PLCE1: variants seen among roughly 807,000 people sequenced by gnomAD.
PLCE1 encodes 1-phosphatidylinositol 4,5-bisphosphate phosphodiesterase epsilon-1.
PLCE1 carries 119 observed loss-of-function variants against 242.8 expected under a neutral mutation model. The ratio of observed to expected loss-of-function variants is 0.49; its 90% confidence interval spans 0.42 to 0.57. The LOEUF (loss-of-function observed/expected upper bound fraction) is 0.57, where lower values mean the gene tolerates loss of function less well. Ranked by LOEUF, PLCE1 falls within the 20% of genes least tolerant of loss-of-function variation. The pLI, the probability that PLCE1 is intolerant of heterozygous loss-of-function variation, is 0.00. For missense variants in PLCE1, 2,441 were observed against 2,788.8 expected (o/e 0.88, Z 2.81); for synonymous variants, 945 against 1,017.4 (o/e 0.93, Z 1.35).
At chr10:94,302,929 C>T (rs905050901) in intron 24 of PLCE1, among the ~76,000 whole-genome samples, 2 of 152,152 alleles carry the variant, frequency 1.3e-5, no homozygotes, top group Admixed American at 6.5e-5. Flanking sequence ...TCTTTGCTAC[C>T]CTCACCATGT....
intron 2 of PLCE1, among the ~76,000 whole-genome samples, chr10:94,069,920 TTATTGGAAA>T (rs2044304509): frequency 6.6e-6 from 1 of 152,156 alleles, no homozygotes; most frequent in Non-Finnish European, 1.5e-5. Flanking sequence ...TCCAGTTCCG[TTATTGGAAA>T]TAAAGTACCA....
At chr10:94,318,051 G>C (rs980055525) in intron 29 of PLCE1, among the ~76,000 whole-genome samples, 1 of 152,262 alleles carries the variant, frequency 6.6e-6, no homozygotes, top group African/African-American at 2.4e-5. Flanking sequence ...CACAGTGAGT[G>C]AATGTGACCT....
At chr10:94,060,325 T>C (rs2134949147) in intron 2 of PLCE1, among the ~76,000 whole-genome samples, 1 of 152,310 alleles carries the variant, frequency 6.6e-6, no homozygotes, top group East Asian at 1.9e-4. Flanking sequence ...AAGTATTCAA[T>C]ACATTAGGAA....
At chr10:94,212,205 G>T (rs1315605873) in intron 4 of PLCE1, among the ~76,000 whole-genome samples, 1 of 152,122 alleles carries the variant, frequency 6.6e-6, no homozygotes, top group Non-Finnish European at 1.5e-5. Flanking sequence ...TCCTGCCTCA[G>T]CCTCCCAAGT....
At chr10:94,056,154 T>A (rs983148245) in intron 2 of PLCE1, among the ~76,000 whole-genome samples, 3 of 152,232 alleles carry the variant, frequency 2.0e-5, no homozygotes, top group African/African-American at 7.2e-5. Context: ...GCTAGAGATT[T>A]ATTATTTTGG....
intron 2 of PLCE1, among the ~76,000 whole-genome samples, chr10:94,061,004 T>C (rs2134960886): frequency 6.6e-6 from 1 of 152,192 alleles, no homozygotes; most frequent in African/African-American, 2.4e-5. Flanking sequence ...CAGCCTGCCC[T>C]TATTTAACTT....
At chr10:94,121,294 T>C (rs2046290237) in intron 2 of PLCE1, among the ~76,000 whole-genome samples, 2 of 152,082 alleles carry the variant, frequency 1.3e-5, no homozygotes, top group Non-Finnish European at 2.9e-5. Flanking sequence ...AGGGCAGAGG[T>C]TGGCCAGCCA....
chr10:94,253,358 T>C (rs903274950), intron 9 of PLCE1, among the ~76,000 whole-genome samples: 1 of 151,580 alleles, frequency 6.6e-6, no homozygotes, highest in Non-Finnish European at 1.5e-5. Flanking sequence ...GCCACACACT[T>C]TTTTTTTCTC....
chr10:94,246,850 G>A (rs1235696134), intron 8 of PLCE1, among the ~76,000 whole-genome samples: 2 of 152,134 alleles, frequency 1.3e-5, no homozygotes, highest in East Asian at 1.9e-4. Flanking sequence ...TGTGGCTCAC[G>A]CCTGTAATCC....
chr10:94,232,629 A>C (rs966359808), intron 5 of PLCE1, among the ~76,000 whole-genome samples: 2 of 152,130 alleles, frequency 1.3e-5, no homozygotes, highest in African/African-American at 4.8e-5. Context: ...AGCAAAATGC[A>C]GTGTACCCTC....
At chr10:94,093,943 T>TTA (rs2045191036) in intron 2 of PLCE1, among the ~76,000 whole-genome samples, 2 of 131,356 alleles carry the variant, frequency 1.5e-5, no homozygotes, top group African/African-American at 6.3e-5. Flanking sequence ...TCTTTTTTTT[T>TTA]TTTTTTTTTT....
rs989488719 is a variant in PLCE1 at position 94,141,682 on chromosome 10, A to G, written c.1492+9223A>G. Among the ~76,000 whole-genome samples, 9 of 81,568 alleles carry G rather than the reference A, an allele frequency of 1.1e-4. 2 individuals are homozygous for G. Among genetic ancestry groups the G allele is most frequent in the African/African-American group, 3.6e-4 (9 of 25,282 alleles). 53.5% of individuals were successfully genotyped at this position (81,568 alleles called of 152,430 possible). A position where few individuals can be genotyped will look rare whatever the true frequency, so the allele number is the denominator to read the frequency against. On this transcript the variant is annotated intron_variant, in intron 3 of 32. Transcript: ENST00000371380. ...AAAGGGAGGGAGGGAGGAAAGAAAG[A>G]AGGAAGGGAGGGAGAGAAGGAAGGG...
intron 2 of PLCE1, among the ~76,000 whole-genome samples, chr10:94,087,637 CT>C (rs1485432829): frequency 6.6e-6 from 1 of 151,988 alleles, no homozygotes; most frequent in African/African-American, 2.4e-5. Flanking sequence ...GGGGAGGGGT[CT>C]TACCATGTTG....
chr10:94,019,283 A>G (rs1166974887), intron 1 of PLCE1, among the ~76,000 whole-genome samples: 1 of 152,212 alleles, frequency 6.6e-6, no homozygotes, highest in African/African-American at 2.4e-5. Flanking sequence ...TGCTGCTCAG[A>G]GGTGCCCAGC....
chr10:94,287,309 T>G (rs2052484892), intron 22 of PLCE1: 1 of 152,182 alleles, frequency 6.6e-6, no homozygotes, highest in Non-Finnish European at 1.5e-5. Context: ...TTATAATACC[T>G]TCTAAATATT....
At chr10:94,099,788 G>A (rs1284954451) in intron 2 of PLCE1, 2 of 152,224 alleles carry the variant, frequency 1.3e-5, no homozygotes, top group Non-Finnish European at 2.9e-5. Context: ...TGAGAGAGGG[G>A]GCAGGGAGGA....
chr10:94,282,478 A>T (rs1045172365), intron 20 of PLCE1, among the ~76,000 whole-genome samples: 1 of 152,188 alleles, frequency 6.6e-6, no homozygotes, highest in Non-Finnish European at 1.5e-5. Context: ...AATTCCAAGA[A>T]ATTAATCTGT....
chr10:94,120,016 G>C (rs1414026493), intron 2 of PLCE1, among the ~76,000 whole-genome samples: 2 of 152,264 alleles, frequency 1.3e-5, no homozygotes, highest in African/African-American at 4.8e-5. Flanking sequence ...GCACCCCAGC[G>C]TGGGTCCTAG....
intron 3 of PLCE1, among the ~76,000 whole-genome samples, chr10:94,157,269 C>T (rs2047462709): frequency 6.6e-6 from 1 of 152,228 alleles, no homozygotes; most frequent in Non-Finnish European, 1.5e-5. Context: ...AGAATTCCCT[C>T]TTCCTCTTGC....
Sources: allele counts gnomAD v4.1 joint callset (sites outside exome capture counted in the v4.1 genomes callset), GRCh38; gene constraint gnomAD v4.1.1; transcripts MANE v1.5; gene names NCBI Gene and HGNC (gene_info 2026-07-23, HGNC 2026-07-21).